The following ATXN1 variants were observed in gnomAD, a reference collection of about 807,000 sequenced individuals.
The protein encoded by ATXN1 is ataxin-1.
In ATXN1, 8 loss-of-function variants were observed where a neutral mutation model predicts 56.4. That is an observed-to-expected ratio of 0.14 (90% CI 0.08 to 0.26). The LOEUF (loss-of-function observed/expected upper bound fraction) is 0.26. ATXN1 is among the 10% of genes least tolerant of loss of function. ATXN1 has a pLI of 1.00. For synonymous variants in ATXN1, 514 were observed against 494.6 expected, an observed-to-expected ratio of 1.04 and a Z score of -0.52; for missense variants, 987 against 1,106.5, an observed-to-expected ratio of 0.89 and a Z score of 1.53.
At chr6:16,365,055 C>CATATAT (rs34627413) in intron 6 of ATXN1, among the ~76,000 whole-genome samples, 2 of 150,144 alleles carry the variant, frequency 1.3e-5, no homozygotes, top group African/African-American at 4.9e-5. Context: ...TTTCTTTTTT[C>CATATAT]ATATATATAT....
At chr6:16,332,882 T>C (rs951311359) in intron 6 of ATXN1, among the ~76,000 whole-genome samples, 3 of 152,326 alleles carry the variant, frequency 2.0e-5, no homozygotes, top group Middle Eastern at 3.4e-3. Flanking sequence ...CTCTGCAAGT[T>C]TGCTGGAAAT....
At chr6:16,454,095 A>G (rs1218900200) in intron 6 of ATXN1, among the ~76,000 whole-genome samples, 1 of 135,660 alleles carries the variant, frequency 7.4e-6, no homozygotes, top group African/African-American at 2.8e-5. Context: ...GCTGGACTCC[A>G]GCCTGGGCAA....
intron 3 of ATXN1, among the ~76,000 whole-genome samples, chr6:16,587,932 A>G (rs113043241): frequency 1.4e-5 from 2 of 145,738 alleles, no homozygotes; most frequent in African/African-American, 2.5e-5. Context: ...ACTCTGTCTA[A>G]AAAAAAAAAA....
chr6:16,510,280 C>G (rs1761059709), intron 5 of ATXN1, among the ~76,000 whole-genome samples: 1 of 152,176 alleles, frequency 6.6e-6, no homozygotes, highest in South Asian at 2.1e-4. Flanking sequence ...GGATCAGAAC[C>G]TGCATTTTAA....
chr6:16,363,109 C>A (rs1463958707), intron 6 of ATXN1, among the ~76,000 whole-genome samples: 3 of 152,212 alleles, frequency 2.0e-5, no homozygotes, highest in Non-Finnish European at 4.4e-5. Flanking sequence ...TTCACCCCAA[C>A]AGACTTTTTC....
chr6:16,489,137 C>T (rs1422190295), intron 5 of ATXN1, among the ~76,000 whole-genome samples: 1 of 152,176 alleles, frequency 6.6e-6, no homozygotes, highest in Non-Finnish European at 1.5e-5. Context: ...TTATTTAAGT[C>T]TTGAAGGCTC....
chr6:16,635,909 A>G (rs746732807), intron 3 of ATXN1, among the ~76,000 whole-genome samples: 2 of 152,168 alleles, frequency 1.3e-5, no homozygotes, highest in Non-Finnish European at 2.9e-5. Flanking sequence ...CAGGCAGCAC[A>G]GTCCGTGCAA....
chr6:16,619,720 T>A (rs1263571251), intron 3 of ATXN1, among the ~76,000 whole-genome samples: 2 of 152,124 alleles, frequency 1.3e-5, no homozygotes, highest in African/African-American at 4.8e-5. Flanking sequence ...TTCTGGGGCA[T>A]GCCCTGGAGT....
rs112765917 is a variant in ATXN1, at chr6:16,562,146, G to C, written c.-361+23634C>G. Among the ~76,000 whole-genome samples, 1,003 of 152,202 alleles carry C rather than the reference G, an allele frequency of 6.6e-3. 9 individuals are homozygous for C. The highest frequency in any genetic ancestry group is 0.023 in the African/African-American group (956 of 41,512). On this transcript the variant is annotated intron_variant, in intron 4 of 7. Coordinates refer to ENST00000436367, the MANE Select transcript of ATXN1 (RefSeq NM_001128164.2). The stretch of plus-strand genomic sequence containing the variant: ...CCCAGCACTTTGGGAGGCCGAGGCA[G>C]GCGGATTGCTTGAGCTCAGAGTTGG...
intron 6 of ATXN1, among the ~76,000 whole-genome samples, chr6:16,460,300 T>G (rs555823247): frequency 1.3e-5 from 2 of 152,246 alleles, no homozygotes; most frequent in South Asian, 4.2e-4. Context: ...GAGTCCTTAC[T>G]CAGACTTGTA....
intron 6 of ATXN1, among the ~76,000 whole-genome samples, chr6:16,422,318 A>G (rs1759053435): frequency 6.6e-6 from 1 of 152,194 alleles, no homozygotes; most frequent in Admixed American, 6.5e-5. Context: ...GAAGCTGTGC[A>G]CAGTAAGCGC....
chr6:16,678,773 C>A (rs530788654), intron 2 of ATXN1, among the ~76,000 whole-genome samples: 1 of 152,114 alleles, frequency 6.6e-6, no homozygotes, highest in South Asian at 2.1e-4. Flanking sequence ...CGGTGGCTCA[C>A]GCCTGTAATC....
At chr6:16,689,521 C>CCT (rs369977036) in intron 2 of ATXN1, among the ~76,000 whole-genome samples, 1 of 105,206 alleles carries the variant, frequency 9.5e-6, no homozygotes, top group Non-Finnish European at 1.9e-5. Context: ...TTTTTTTTTT[C>CCT]TTTTTTTTTT....
At chr6:16,739,815 G>A (rs1414069487) in intron 2 of ATXN1, 19 of 456,646 alleles carry the variant, frequency 4.2e-5, no homozygotes, top group South Asian at 2.2e-4. Flanking sequence ...GCCTCCTGGC[G>A]AGTTCATAAA....
chr6:16,732,749 C>T (rs1760018948), intron 2 of ATXN1, among the ~76,000 whole-genome samples: 2 of 152,188 alleles, frequency 1.3e-5, no homozygotes, highest in South Asian at 4.1e-4. Flanking sequence ...TGTGCAAAGA[C>T]TAATATACTT....
At chr6:16,559,896 T>C (rs1030039234) in intron 4 of ATXN1, among the ~76,000 whole-genome samples, 8 of 152,168 alleles carry the variant, frequency 5.3e-5, no homozygotes, top group African/African-American at 1.7e-4. Context: ...CAAAATTGAC[T>C]GCCCAGGAAA....
At chr6:16,685,952 G>A (rs745793522) in intron 2 of ATXN1, among the ~76,000 whole-genome samples, 5 of 152,054 alleles carry the variant, frequency 3.3e-5, no homozygotes, top group Admixed American at 6.6e-5. Flanking sequence ...TAAGTAATAC[G>A]TGATTAATAT....
chr6:16,424,261 C>G (rs748897938), intron 6 of ATXN1, among the ~76,000 whole-genome samples: 2 of 152,070 alleles, frequency 1.3e-5, no homozygotes, highest in South Asian at 4.1e-4. Context: ...GTTCAAGGGA[C>G]GAGAGGGAAG....
At chr6:16,653,258 T>C (rs1442539267) in intron 3 of ATXN1, among the ~76,000 whole-genome samples, 2 of 152,202 alleles carry the variant, frequency 1.3e-5, no homozygotes, top group Non-Finnish European at 2.9e-5. Context: ...ATGCCCTTGC[T>C]GGAACAAGAG....
Sources: allele counts gnomAD v4.1 joint callset (sites outside exome capture counted in the v4.1 genomes callset), GRCh38; gene constraint gnomAD v4.1.1; transcripts MANE v1.5; gene names NCBI Gene and HGNC (gene_info 2026-07-23, HGNC 2026-07-21).